Variants in SYN2 observed in about 807,000 individuals in gnomAD.
SYN2 encodes synapsin II, also known as synapsin-2.
A neutral mutation model predicts 50.9 loss-of-function variants in SYN2; 19 were observed. The observed-to-expected ratio is 0.37, with a 90% CI of 0.26 to 0.55. The LOEUF is 0.55. SYN2 is among the 20% of genes least tolerant of loss of function. The pLI, the probability that SYN2 is intolerant of heterozygous loss-of-function variation, is 0.81. For synonymous variants in SYN2, 255 were observed against 224.9 expected (o/e 1.13, Z -1.20); for missense variants, 587 against 576.4 (o/e 1.02, Z -0.19).
Position 12,167,242 on chromosome 3 carries a change from C to T in SYN2, c.989C>T (p.Ser330Leu), listed in dbSNP as rs772858226. The change falls in exon 8 of 13, where the codon TCG becomes TTG. Residue 330 changes from serine to leucine, a missense_variant. Transcript: ENST00000621198. ...GTGGGATCTTGTTGCAGGAGGACATCGATCTCAGGGAACTGGAAGACGAAC... is the reference window on the plus strand; with the variant it reads ...GTGGGATCTTGTTGCAGGAGGACATTGATCTCAGGGAACTGGAAGACGAAC... Reference protein sequence around the residue: ...GNNYKAYMRTSISGNWKTNTG... With the variant: ...GNNYKAYMRTLISGNWKTNTG... 5 of 1,612,732 alleles carry T rather than the reference C, an allele frequency of 3.1e-6. No individual in the cohort carries two copies. Among genetic ancestry groups the T allele is most frequent in the Non-Finnish European group, 4.2e-6 (5 of 1,179,516 alleles).
chr3:12,073,866 AATT>A (rs1197587246), intron 1 of SYN2, among the ~76,000 whole-genome samples: 5 of 152,128 alleles, frequency 3.3e-5, no homozygotes, highest in Admixed American at 6.5e-5. Context: ...CAAACTTGCT[AATT>A]ATTATATAAA....
intron 1 of SYN2, among the ~76,000 whole-genome samples, chr3:12,113,888 T>G (rs9817303): frequency 0.01 from 1,555 of 152,272 alleles, 43 homozygotes; most frequent in African/African-American, 0.036. Context: ...TTCCCTATTG[T>G]AAATAGTGTT....
chr3:12,132,051 T>C (rs1696807924), intron 1 of SYN2, among the ~76,000 whole-genome samples: 1 of 151,120 alleles, frequency 6.6e-6, no homozygotes, highest in Non-Finnish European at 1.5e-5. Flanking sequence ...TTTCTTTTTT[T>C]TTTTGAGACA....
At chr3:12,047,350 T>C (rs1183306124) in intron 1 of SYN2, among the ~76,000 whole-genome samples, 1 of 152,098 alleles carries the variant, frequency 6.6e-6, no homozygotes, top group Non-Finnish European at 1.5e-5. Flanking sequence ...TCTGGTGGCT[T>C]CTATTTTCTC....
intron 10 of SYN2, among the ~76,000 whole-genome samples, chr3:12,182,810 C>T (rs1036917798): frequency 1.3e-5 from 2 of 152,212 alleles, no homozygotes; most frequent in African/African-American, 4.8e-5. Context: ...TCCGGCTGGG[C>T]GCAGGCATGC....
chr3:12,121,774 A>G (rs566444885), intron 1 of SYN2, among the ~76,000 whole-genome samples: 1 of 152,152 alleles, frequency 6.6e-6, no homozygotes, highest in African/African-American at 2.4e-5. Context: ...AGATAGAAAA[A>G]TAGAGACTTA....
At chr3:12,056,340 A>C (rs1319656658) in intron 1 of SYN2, among the ~76,000 whole-genome samples, 1 of 152,132 alleles carries the variant, frequency 6.6e-6, no homozygotes, top group African/African-American at 2.4e-5. Flanking sequence ...GTGGCTGTCA[A>C]AATTGGTTTA....
At chr3:12,126,742 T>G (rs1371020477) in intron 1 of SYN2, among the ~76,000 whole-genome samples, 1 of 152,218 alleles carries the variant, frequency 6.6e-6, no homozygotes, top group East Asian at 1.9e-4. Flanking sequence ...GCTATCTACC[T>G]TATATAATTC....
intron 1 of SYN2, among the ~76,000 whole-genome samples, chr3:12,135,605 C>T (rs1696880238): frequency 6.6e-6 from 1 of 152,200 alleles, no homozygotes; most frequent in Non-Finnish European, 1.5e-5. Flanking sequence ...ATACTCTAGG[C>T]TCTTTCAGGT....
chr3:12,069,796 A>G (rs1284004598), intron 1 of SYN2, among the ~76,000 whole-genome samples: 1 of 145,596 alleles, frequency 6.9e-6, no homozygotes, highest in Non-Finnish European at 1.5e-5. Context: ...GGTTTTGTTT[A>G]TTTGTTTTGT....
chr3:12,056,063 G>A (rs1694981382), intron 1 of SYN2, among the ~76,000 whole-genome samples: 1 of 152,106 alleles, frequency 6.6e-6, no homozygotes, highest in South Asian at 2.1e-4. Flanking sequence ...TCTACATATG[G>A]ATCAAGATGC....
At chr3:12,115,860 G>C (rs1175677650) in intron 1 of SYN2, among the ~76,000 whole-genome samples, 1 of 152,148 alleles carries the variant, frequency 6.6e-6, no homozygotes, top group African/African-American at 2.4e-5. Flanking sequence ...TCACAGCAGG[G>C]TCTGGAATTG....
chr3:12,161,710 T>C (rs1216864480), intron 6 of SYN2, 102 bp downstream of exon 6: 44 of 1,368,156 alleles, frequency 3.2e-5, no homozygotes, highest in Non-Finnish European at 4.5e-5. Flanking sequence ...ACTGATGAAT[T>C]CTTTCCAAAG....
At chr3:12,053,914 T>C (rs1694928332) in intron 1 of SYN2, among the ~76,000 whole-genome samples, 1 of 152,184 alleles carries the variant, frequency 6.6e-6, no homozygotes, top group African/African-American at 2.4e-5. Flanking sequence ...GAATCCATCA[T>C]ATACCTGTGA....
At chr3:12,148,926 C>T (rs1473167690) in intron 4 of SYN2, among the ~76,000 whole-genome samples, 1 of 152,196 alleles carries the variant, frequency 6.6e-6, no homozygotes, top group Non-Finnish European at 1.5e-5. Flanking sequence ...GTAGAGGTAA[C>T]AGCCCTTATC....
At chr3:12,083,010 C>T (rs1301816717) in intron 1 of SYN2, among the ~76,000 whole-genome samples, 1 of 151,956 alleles carries the variant, frequency 6.6e-6, no homozygotes, top group Non-Finnish European at 1.5e-5. Flanking sequence ...TTTAACCATT[C>T]TTCTTCTTAT....
intron 11 of SYN2, chr3:12,183,963 G>C: frequency 1.0e-6 from 1 of 986,900 alleles, no homozygotes; most frequent in East Asian, 1.1e-4. Flanking sequence ...TAACTAGATA[G>C]AACATTAAGA....
chr3:12,017,597 G>T (rs1273256878), intron 1 of SYN2, among the ~76,000 whole-genome samples: 1 of 152,158 alleles, frequency 6.6e-6, no homozygotes, highest in Non-Finnish European at 1.5e-5. Flanking sequence ...CATCTAAAAA[G>T]AGGAGATAAA....
chr3:12,167,191 T>C, intron 7 of SYN2, 43 bp from the exon 8 acceptor site: 1 of 1,594,028 alleles, frequency 6.3e-7, no homozygotes, highest in Non-Finnish European at 8.6e-7. Context: ...CTCTTGCTGG[T>C]GTGGCTCACT....
Sources: allele counts gnomAD v4.1 joint callset (sites outside exome capture counted in the v4.1 genomes callset), GRCh38; gene constraint gnomAD v4.1.1; transcripts MANE v1.5; gene names NCBI Gene and HGNC (gene_info 2026-07-23, HGNC 2026-07-21).